Variants in PAX5 observed in about 807,000 individuals in gnomAD.
The protein encoded by PAX5 is paired box protein Pax-5.
Under a neutral mutation model 43.7 loss-of-function variants are expected in PAX5, and 9 were observed. That is an observed-to-expected ratio of 0.21 (90% confidence interval 0.12 to 0.36). The LOEUF is 0.36. PAX5 is among the 10% of genes least tolerant of loss of function. The probability of loss-of-function intolerance (pLI) is 1.00; values close to 1 mark genes in which losing one functional copy is unlikely to be tolerated. For synonymous variants in PAX5, 228 were observed against 214.3 expected (o/e 1.06, Z -0.56); for missense variants, 383 against 532.7 (o/e 0.72, Z 2.77).
intron 7 of PAX5, among the ~76,000 whole-genome samples, chr9:36,898,201 G>A (rs2131844804): frequency 6.6e-6 from 1 of 152,334 alleles, no homozygotes; most frequent in African/African-American, 2.4e-5. Context: ...ACATTCAAAC[G>A]TGTAATCCAA....
chr9:36,983,411 T>A (rs1836102648), intron 5 of PAX5, among the ~76,000 whole-genome samples: 1 of 152,208 alleles, frequency 6.6e-6, no homozygotes, highest in Admixed American at 6.5e-5. Flanking sequence ...TCTGGTGTAG[T>A]CATGTCTGAG....
chr9:37,033,628 A>ACACACAGC (rs1841223421), intron 1 of PAX5, among the ~76,000 whole-genome samples: 1 of 149,576 alleles, frequency 6.7e-6, no homozygotes, highest in Admixed American at 6.7e-5. Context: ...ACACACACAC[A>ACACACAGC]GGCAAACAAC....
At chr9:36,950,531 G>A (rs951836223) in intron 6 of PAX5, among the ~76,000 whole-genome samples, 1 of 152,188 alleles carries the variant, frequency 6.6e-6, no homozygotes, top group East Asian at 1.9e-4. Flanking sequence ...CACTCTCAGC[G>A]ACAGAAGATT....
intron 7 of PAX5, 47 bp downstream of exon 7, chr9:36,923,308 C>A (rs762887226): frequency 6.8e-6 from 10 of 1,474,050 alleles, no homozygotes; most frequent in African/African-American, 4.2e-5. Flanking sequence ...ACACTCCTAT[C>A]TCTCTCTCTC....
At chr9:36,953,251 C>T (rs770746512) in intron 6 of PAX5, among the ~76,000 whole-genome samples, 3 of 152,050 alleles carry the variant, frequency 2.0e-5, no homozygotes, top group Non-Finnish European at 4.4e-5. Context: ...TAATTTTTAC[C>T]TCTGGCTTCT....
chr9:36,915,352 C>T (rs1027296836), intron 7 of PAX5, among the ~76,000 whole-genome samples: 1 of 152,190 alleles, frequency 6.6e-6, no homozygotes, highest in Non-Finnish European at 1.5e-5. Context: ...AGATAAGTTT[C>T]TCATACTATC....
chr9:36,869,867 GATGGATAA>G (rs761217932), intron 8 of PAX5, among the ~76,000 whole-genome samples: 7 of 142,966 alleles, frequency 4.9e-5, no homozygotes, highest in South Asian at 2.3e-4. Context: ...TGGATGGATG[GATGGATAA>G]ATGGATGGAT....
chr9:37,029,684 T>G (rs1267871634), intron 1 of PAX5, among the ~76,000 whole-genome samples: 2 of 152,104 alleles, frequency 1.3e-5, no homozygotes, highest in Admixed American at 1.3e-4. Flanking sequence ...GCACACCTAC[T>G]GGAGAGGCGG....
rs1044738773 is a variant in PAX5 at position 36,972,329 on chromosome 9, G to GCC, written c.605-5607_605-5606dup. On this transcript the variant is annotated intron_variant, in intron 5 of 9. Transcript: ENST00000358127. ...TGGGAGCCAGCAGTCCCGGGTTCTA[G>GCC]CCCCAGCTCTGCTGTTACTTGCTGT... Among the ~76,000 whole-genome samples, 114 of 152,308 alleles carry GCC rather than the reference G, an allele frequency of 7.5e-4. 1 individual carries two copies. Among genetic ancestry groups the GCC allele is most frequent in the African/African-American group, 2.6e-3 (106 of 41,562 alleles).
chr9:36,929,502 G>A (rs1830955786), intron 6 of PAX5, among the ~76,000 whole-genome samples: 1 of 152,184 alleles, frequency 6.6e-6, no homozygotes, highest in South Asian at 2.1e-4. Context: ...GCCAACCCCA[G>A]CCCCTAAGAA....
intron 6 of PAX5, among the ~76,000 whole-genome samples, chr9:36,950,461 T>A (rs1248298108): frequency 6.6e-6 from 1 of 152,158 alleles, no homozygotes; most frequent in Admixed American, 6.5e-5. Flanking sequence ...CAAGCCCCAA[T>A]CTGACACTTG....
chr9:36,900,937 G>GT (rs1554660003), intron 7 of PAX5, among the ~76,000 whole-genome samples: 1 of 152,172 alleles, frequency 6.6e-6, no homozygotes, highest in Non-Finnish European at 1.5e-5. Context: ...AACCAGGGGA[G>GT]CATCGTTGAT....
At chr9:36,965,768 A>G (rs1365113130) in intron 6 of PAX5, among the ~76,000 whole-genome samples, 1 of 152,178 alleles carries the variant, frequency 6.6e-6, no homozygotes, top group Non-Finnish European at 1.5e-5. Flanking sequence ...GGCAGTCCAG[A>G]GCCATGTCTA....
intron 7 of PAX5, among the ~76,000 whole-genome samples, chr9:36,899,456 T>C (rs1359937487): frequency 6.6e-6 from 1 of 152,212 alleles, no homozygotes; most frequent in African/African-American, 2.4e-5. Context: ...CATTCTTTCT[T>C]TCACTCAGAA....
At chr9:36,941,788 G>A (rs1832075313) in intron 6 of PAX5, among the ~76,000 whole-genome samples, 1 of 151,870 alleles carries the variant, frequency 6.6e-6, no homozygotes, top group Non-Finnish European at 1.5e-5. Flanking sequence ...GGTGGAGGTG[G>A]GGGCGGGGGT....
chr9:36,983,656 T>C (rs1349404935), intron 5 of PAX5, among the ~76,000 whole-genome samples: 2 of 152,204 alleles, frequency 1.3e-5, no homozygotes, highest in African/African-American at 4.8e-5. Context: ...GTATTTTTTG[T>C]AGAGATGGGG....
chr9:36,938,353 G>T (rs1177703673), intron 6 of PAX5, among the ~76,000 whole-genome samples: 1 of 152,090 alleles, frequency 6.6e-6, no homozygotes, highest in African/African-American at 2.4e-5. Flanking sequence ...ACGTCTAAAG[G>T]CTTGGTCTGA....
intron 6 of PAX5, among the ~76,000 whole-genome samples, chr9:36,959,784 TG>T (rs1370471837): frequency 1.3e-5 from 2 of 152,218 alleles, no homozygotes; most frequent in Admixed American, 1.3e-4. Context: ...GTGCTGCAAC[TG>T]GGGGGTACCC....
chr9:36,956,786 G>A (rs1475114674), intron 6 of PAX5, among the ~76,000 whole-genome samples: 1 of 152,172 alleles, frequency 6.6e-6, no homozygotes, highest in Admixed American at 6.5e-5. Context: ...TCATCCTTGG[G>A]TCACTTTGAG....
Sources: allele counts gnomAD v4.1 joint callset (sites outside exome capture counted in the v4.1 genomes callset), GRCh38; gene constraint gnomAD v4.1.1; transcripts MANE v1.5; gene names NCBI Gene and HGNC (gene_info 2026-07-23, HGNC 2026-07-21).